Variants in SLC1A1 observed in about 807,000 individuals in gnomAD.
The protein encoded by SLC1A1 is solute carrier family 1 member 1.
In SLC1A1, 43 loss-of-function variants were observed where a neutral mutation model predicts 53.3. The observed-to-expected ratio is 0.81, with a 90% CI of 0.63 to 1.04. The LOEUF (loss-of-function observed/expected upper bound fraction) is 1.04, where lower values mean the gene tolerates loss of function less well. SLC1A1 is among the 50% of genes least tolerant of loss of function. The pLI is 0.00. For missense variants in SLC1A1, 748 were observed against 664.9 expected (o/e 1.12, Z -1.37); for synonymous variants, 307 against 243.2 (o/e 1.26, Z -2.44).
Position 4,576,142 on chromosome 9 carries a change from TC to T in SLC1A1, c.998+20del. On this transcript the variant is annotated intron_variant, in intron 9 of 11. Coordinates refer to ENST00000262352, the MANE Select transcript of SLC1A1 (RefSeq NM_004170.6). ...CTTCCAGGTAAACAGAAGAGGGGTT[TC>T]TGGAAGAAGCCTCCAGGCTCAACGT... 1 of 1,612,436 alleles carries T rather than the reference TC, an allele frequency of 6.2e-7. No homozygotes were observed. The highest frequency in any genetic ancestry group is 1.1e-5 in the South Asian group (1 of 91,046).
At position 4,549,237 on chromosome 9, in the gene SLC1A1, G is replaced by T. The variant is rs1564026948; in HGVS notation, c.232+4530G>T. On this transcript the variant is annotated intron_variant, in intron 2 of 11. Coordinates refer to ENST00000262352, the MANE Select transcript of SLC1A1 (RefSeq NM_004170.6). The surrounding 1 kb of genome is among the most constrained non-coding windows in gnomAD (Gnocchi z 4.1). ...TTGCAGCTCTTCCACTTTAGCCTCT[G>T]CCACCCCCGCCTGGGCCAGAAGCAC... Among the ~76,000 whole-genome samples the T allele has an allele frequency of 6.6e-6, 1 of 152,062 alleles. No individual in the cohort carries two copies. The highest frequency in any genetic ancestry group is 1.5e-5 in the Non-Finnish European group (1 of 68,016).
In SLC1A1 at chr9:4,583,149, G is replaced by T; in HGVS notation, c.1305G>T (p.Leu435=). The T allele has an allele frequency of 6.2e-7, 1 of 1,614,222 alleles. No homozygotes were observed. The highest frequency in any genetic ancestry group is 8.5e-7 in the Non-Finnish European group (1 of 1,180,038). The part of the protein sequence containing the change: ...AVGLPAEDVT[L]IIAVDWLLDR... Reference sequence around the variant, plus strand: ...GCCTGCCCGCCGAGGATGTCACCCTGATCATTGCTGTCGACTGGCTCCTGT... The same window carrying T: ...GCCTGCCCGCCGAGGATGTCACCCTTATCATTGCTGTCGACTGGCTCCTGT... The change falls in exon 11 of 12, where the codon CTG becomes CTT. Residue 435 remains leucine, a synonymous_variant. Coordinates refer to ENST00000262352, the MANE Select transcript of SLC1A1 (RefSeq NM_004170.6). The surrounding 1 kb of genome is among the most constrained non-coding windows in gnomAD (Gnocchi z 4.6).
Position 4,564,360 on chromosome 9 carries a change from G to C in SLC1A1, c.342G>C (p.Val114=), listed in dbSNP as rs201967862. ...IAVILGIVLV[V]SIKPGVTQKV... is the part of the protein sequence containing the mutation. The stretch of plus-strand genomic sequence containing the variant: ...TGGCCACAGGTATTGTGCTGGTGGT[G>C]AGCATCAAGCCTGGTGTCACCCAGA... The change falls in exon 4 of 12, where the codon GTG becomes GTC. Residue 114 remains valine, a synonymous_variant. Transcript: ENST00000262352. The C allele has an allele frequency of 1.2e-6, 2 of 1,613,264 alleles. No homozygotes were observed. Among genetic ancestry groups the C allele is most frequent in the Non-Finnish European group, 1.7e-6 (2 of 1,179,552 alleles).
At chr9:4,574,037 G>C (rs2129791453) in intron 8 of SLC1A1, 23 bp downstream of exon 8, 4 of 1,474,398 alleles carry the variant, frequency 2.7e-6, no homozygotes, top group Middle Eastern at 1.7e-4. Flanking sequence ...CAAGAGAAGA[G>C]ACAGAAACCT....
chr9:4,522,777 C>T (rs1816127836), intron 1 of SLC1A1, among the ~76,000 whole-genome samples: 1 of 152,146 alleles, frequency 6.6e-6, no homozygotes, highest in South Asian at 2.1e-4. Flanking sequence ...CATGAGAACT[C>T]ATTCACTATC....
At chr9:4,547,930 A>C (rs950418518) in intron 2 of SLC1A1, among the ~76,000 whole-genome samples, 1 of 152,190 alleles carries the variant, frequency 6.6e-6, no homozygotes, top group Non-Finnish European at 1.5e-5. Context: ...ATAAAATTAC[A>C]CAACAGGATA....
chr9:4,498,739 C>T (rs1586687973), intron 1 of SLC1A1, among the ~76,000 whole-genome samples: 2 of 150,960 alleles, frequency 1.3e-5, no homozygotes, highest in South Asian at 4.2e-4. Flanking sequence ...ATGAGCACTA[C>T]TAATTAGTTT....
At position 4,585,192 on chromosome 9, in the gene SLC1A1, G is replaced by T. The variant is rs184762425; in HGVS notation, c.1329-120G>T. On this transcript the variant is annotated intron_variant, in intron 11 of 11. Transcript: ENST00000262352. The stretch of plus-strand genomic sequence containing the variant: ...GGAGCCTTCAGTCAGTCAGCCATGA[G>T]GACAGCACTTTCTGCACTTACTGAA... 151 of 1,352,612 alleles carry T rather than the reference G, an allele frequency of 1.1e-4. No individual in the cohort carries two copies. The East Asian group carries it at 3.2e-3, about 29-fold the overall frequency. 83.8% of individuals were successfully genotyped at this position (1,352,612 alleles called of 1,614,324 possible).
At chr9:4,546,203 G>A (rs1360760143) in intron 2 of SLC1A1, among the ~76,000 whole-genome samples, 1 of 152,138 alleles carries the variant, frequency 6.6e-6, no homozygotes, top group African/African-American at 2.4e-5. Context: ...AAATGGTCTT[G>A]ATGTTCTCGG....
Position 4,544,599 on chromosome 9 carries a change from A to T in SLC1A1, c.124A>T (p.Ser42Cys). The T allele has an allele frequency of 6.2e-7, 1 of 1,613,836 alleles. No homozygotes were observed. The highest frequency in any genetic ancestry group is 1.1e-5 in the South Asian group (1 of 91,068). ...ITTGVLVREHSNLSTLEKFYF... is the reference protein window; with the variant it reads ...ITTGVLVREHCNLSTLEKFYF... ...CACAGGAGTCTTGGTTCGAGAACAC[A>T]GCAACCTCTCAACTCTAGAGAAATT... The change falls in exon 2 of 12, where the codon AGC (serine) becomes TGC (cysteine). Residue 42 changes from serine (S) to cysteine (C), a missense_variant. Physicochemically the swap from Ser to Cys is moderately radical, Grantham distance 112 (BLOSUM62 -1). Transcript: ENST00000262352.
At chr9:4,500,348 A>C (rs111912357) in intron 1 of SLC1A1, among the ~76,000 whole-genome samples, 5,191 of 152,192 alleles carry the variant, frequency 0.034, 144 homozygotes, top group South Asian at 0.061. Context: ...TCACTCTGTC[A>C]CCCAGGCTGG....
In SLC1A1 at chr9:4,490,735, G is replaced by C. The variant is rs1375983646; in HGVS notation, c.56G>C (p.Trp19Ser). 1.9e-6 allele frequency: 3 copies of C among 1,612,892 alleles called. No individual in the cohort carries two copies. Among genetic ancestry groups the C allele is most frequent in the South Asian group, 1.1e-5 (1 of 91,052 alleles). ...CEWKRFLKNN[W>S]VLLSTVAAVV... Reference sequence around the variant, plus strand: ...TGGAAGCGCTTCCTGAAGAATAACTGGGTGTTGCTGTCCACCGTGGCCGCG... The same window carrying C: ...TGGAAGCGCTTCCTGAAGAATAACTCGGTGTTGCTGTCCACCGTGGCCGCG... Residue 19 changes from tryptophan to serine, a missense_variant, in exon 1 of 12, where the codon TGG (tryptophan) becomes TCG (serine). Physicochemically the swap from Trp to Ser is radical, Grantham distance 177. Transcript: ENST00000262352.
chr9:4,512,236 G>A (rs1421046569), intron 1 of SLC1A1, among the ~76,000 whole-genome samples: 2 of 152,268 alleles, frequency 1.3e-5, no homozygotes, highest in Admixed American at 1.3e-4. Context: ...ATGGAGGCAG[G>A]GTGCGGTGGC....
intron 1 of SLC1A1, among the ~76,000 whole-genome samples, chr9:4,496,874 G>A: frequency 6.6e-6 from 1 of 152,130 alleles, no homozygotes; most frequent in East Asian, 1.9e-4. Context: ...CTCCAGCTGA[G>A]GTGACAGTGC....
chr9:4,585,212 A>T, intron 11 of SLC1A1, 100 bp from the exon 12 acceptor site: 5 of 1,505,206 alleles, frequency 3.3e-6, no homozygotes, highest in Non-Finnish European at 4.6e-6. Context: ...TTCTGCACTT[A>T]CTGAAATCTA....
intron 1 of SLC1A1, among the ~76,000 whole-genome samples, chr9:4,498,661 A>G (rs558543076): frequency 6.3e-4 from 95 of 151,948 alleles, no homozygotes; most frequent in Non-Finnish European, 1.0e-3. Flanking sequence ...GTTTAGTCAT[A>G]TATATTTAAT....
At chr9:4,584,144 A>C (rs1821373439) in intron 11 of SLC1A1, among the ~76,000 whole-genome samples, 1 of 152,220 alleles carries the variant, frequency 6.6e-6, no homozygotes, top group Non-Finnish European at 1.5e-5. Flanking sequence ...TATGTACTGT[A>C]GTTTGCAGGT....
intron 1 of SLC1A1, among the ~76,000 whole-genome samples, chr9:4,530,696 T>C (rs751659302): frequency 2.0e-5 from 3 of 152,162 alleles, no homozygotes; most frequent in Non-Finnish European, 2.9e-5. Flanking sequence ...ACGGAAAACA[T>C]TTTTATTGCT....
At position 4,553,364 on chromosome 9, in the gene SLC1A1, C is replaced by CTTTT. The variant is rs33971780; in HGVS notation, c.233-8067_233-8064dup. 163 of 110,026 alleles carry CTTTT rather than the reference C, an allele frequency of 1.5e-3. 9 individuals are homozygous for CTTTT. Among genetic ancestry groups the CTTTT allele is most frequent in the East Asian group, 3.7e-3 (14 of 3,786 alleles). 6.8% of individuals were successfully genotyped at this position (110,026 alleles called of 1,614,324 possible). A position where few individuals can be genotyped will look rare whatever the true frequency, so the allele number is the denominator to read the frequency against. On this transcript the variant is annotated intron_variant, in intron 2 of 11. Coordinates refer to ENST00000262352, the MANE Select transcript of SLC1A1 (RefSeq NM_004170.6). ...GAAACCAGGACACAGCCCACCGCTT[C>CTTTT]TTTTTTTTTTTTTTTTTTTTTGACA...
Sources: gnomAD v4.1 joint callset for allele counts (sites outside exome capture counted in the v4.1 genomes callset) on GRCh38, gnomAD v4.1.1 for gene constraint, Gnocchi (gnomAD v3.1) non-coding constraint, MANE v1.5 for transcripts, NCBI Gene and HGNC (gene_info 2026-07-23, HGNC 2026-07-21) for gene names.